MYH11: variants seen among roughly 807,000 people sequenced by gnomAD.
MYH11 encodes myosin heavy chain 11.
MYH11 carries 80 observed loss-of-function variants against 246.6 expected under a neutral mutation model. The observed-to-expected ratio is 0.32, with a 90% CI of 0.27 to 0.39. The LOEUF is 0.39. Ranked by LOEUF, MYH11 falls within the 10% of genes least tolerant of loss-of-function variation. The pLI is 1.00. For missense variants in MYH11, 2,158 were observed against 2,546.8 expected (o/e 0.85, Z 3.29); for synonymous variants, 1,071 against 1,015.5 (o/e 1.05, Z -1.04).
rs958759841 is a variant in MYH11 at position 15,707,568 on chromosome 16, T to G, written c.5787-3445A>C. Reference sequence around the variant, plus strand: ...ACTGGCTCTTAACAAGACCTCACCCTGCGCTTTAAGTATTTTGGTAGTGAC... The same window carrying G: ...ACTGGCTCTTAACAAGACCTCACCCGGCGCTTTAAGTATTTTGGTAGTGAC... On this transcript the variant is annotated intron_variant, in intron 40 of 40. Coordinates refer to ENST00000300036, the MANE Select transcript of MYH11 (RefSeq NM_002474.3). Among the ~76,000 whole-genome samples the G allele has an allele frequency of 1.1e-4, 16 of 152,322 alleles. No homozygotes were observed. The East Asian group carries it at 2.3e-3, about 22-fold the overall frequency.
chr16:15,818,594 C>G (rs1002305529), intron 3 of MYH11, among the ~76,000 whole-genome samples: 7 of 152,006 alleles, frequency 4.6e-5, no homozygotes, highest in African/African-American at 1.7e-4. Flanking sequence ...GCCACTGTGC[C>G]TGGCTAGTTT....
At chr16:15,731,411 T>C (rs1379882727) in intron 27 of MYH11, among the ~76,000 whole-genome samples, 1 of 152,146 alleles carries the variant, frequency 6.6e-6, no homozygotes, top group Non-Finnish European at 1.5e-5. Flanking sequence ...GCTTGTAAAA[T>C]GAGTTTAATA....
intron 2 of MYH11, among the ~76,000 whole-genome samples, chr16:15,832,679 G>A (rs1239233112): frequency 6.6e-6 from 1 of 152,188 alleles, no homozygotes; most frequent in African/African-American, 2.4e-5. Flanking sequence ...AGGTGCTCAA[G>A]GAATCATAAT....
At chr16:15,756,603 G>A in intron 13 of MYH11, 89 bp from the exon 14 acceptor site, 3 of 1,360,652 alleles carry the variant, frequency 2.2e-6, no homozygotes, top group Non-Finnish European at 3.1e-6. Flanking sequence ...CAACGCATGG[G>A]CATCCGCCGA....
intron 40 of MYH11, chr16:15,708,913 A>G: frequency 7.1e-7 from 1 of 1,406,324 alleles, no homozygotes; most frequent in South Asian, 1.2e-5. Flanking sequence ...TATATTCTTA[A>G]TTGTTAAAGA....
chr16:15,766,344 G>GGGGTGTGTGTGTGT (rs1555564406), intron 9 of MYH11, among the ~76,000 whole-genome samples: 1 of 136,688 alleles, frequency 7.3e-6, no homozygotes, highest in African/African-American at 2.8e-5. Context: ...CATGTTTTTT[G>GGGGTGTGTGTGTGT]GTGTGTGTGT....
chr16:15,725,675 AAAC>A (rs1404323167), intron 28 of MYH11: 3 of 398,894 alleles, frequency 7.5e-6, no homozygotes, highest in Non-Finnish European at 1.3e-5. Context: ...TGTGAGAAAA[AAAC>A]ATCTCACTTA....
intron 1 of MYH11, 46 bp from the exon 2 acceptor site, chr16:15,838,315 C>G (rs1341695817): frequency 6.6e-7 from 1 of 1,521,274 alleles, no homozygotes; most frequent in Non-Finnish European, 9.1e-7. Flanking sequence ...CAACCAAGCC[C>G]GGAAGACAGA....
At chr16:15,723,023 C>T (rs779163324) in intron 31 of MYH11, among the ~76,000 whole-genome samples, 2 of 152,182 alleles carry the variant, frequency 1.3e-5, no homozygotes, top group Non-Finnish European at 2.9e-5. Context: ...GGATTACAGG[C>T]GTGAGCCACC....
chr16:15,710,119 G>A (rs1475574585), intron 40 of MYH11, among the ~76,000 whole-genome samples: 10 of 152,192 alleles, frequency 6.6e-5, no homozygotes, highest in South Asian at 2.1e-4. Context: ...GTGTGTATTC[G>A]TGTCGGAACT....
intron 30 of MYH11, 83 bp downstream of exon 30, chr16:15,724,564 T>A (rs2040652574): frequency 6.2e-7 from 1 of 1,609,128 alleles, no homozygotes; most frequent in Non-Finnish European, 8.5e-7. Context: ...GCACCAACAC[T>A]CCACCGCGAT....
rs759308680 is a variant in MYH11, at chr16:15,720,134, C to T, written c.4953+17G>A. 2 of 1,614,144 alleles carry T rather than the reference C, an allele frequency of 1.2e-6. No homozygotes were observed. Among genetic ancestry groups the T allele is most frequent in the Non-Finnish European group, 1.7e-6 (2 of 1,180,030 alleles). On this transcript the variant is annotated intron_variant, in intron 34 of 40. Transcript: ENST00000300036. Reference sequence around the variant, plus strand: ...GCCCTCCCTCCACCCATGCCCCAAGCTCCTAGTGTCACCCACCTGCAGTTT... The same window carrying T: ...GCCCTCCCTCCACCCATGCCCCAAGTTCCTAGTGTCACCCACCTGCAGTTT...
intron 13 of MYH11, among the ~76,000 whole-genome samples, chr16:15,757,015 G>T (rs2041741956): frequency 1.3e-5 from 2 of 150,530 alleles, no homozygotes. Flanking sequence ...AGCCAGGATG[G>T]TCTCCATCTC....
Position 15,703,776 on chromosome 16 carries a change from T to A in MYH11, c.*215A>T, listed in dbSNP as rs897005342. The A allele has an allele frequency of 9.4e-6, 6 of 635,326 alleles. No individual in the cohort carries two copies. The highest frequency in any genetic ancestry group is 7.4e-5 in the African/African-American group (4 of 54,186). 39.4% of individuals were successfully genotyped at this position (635,326 alleles called of 1,614,324 possible). ...GCTTATTTTTAAATTCTTGTATAGA[T>A]GAGGTTTTACTACGTTGCCCAGGCT... On this transcript the variant is annotated 3_prime_UTR_variant, in exon 41 of 41. Coordinates refer to ENST00000300036, the MANE Select transcript of MYH11 (RefSeq NM_002474.3).
At chr16:15,762,795 CCT>C (rs1466335869) in intron 10 of MYH11, among the ~76,000 whole-genome samples, 1 of 152,170 alleles carries the variant, frequency 6.6e-6, no homozygotes, top group African/African-American at 2.4e-5. Context: ...TCGCAATTCC[CCT>C]GTCTTGATTA....
chr16:15,821,730 A>G (rs1353164931), intron 3 of MYH11, among the ~76,000 whole-genome samples: 1 of 147,032 alleles, frequency 6.8e-6, no homozygotes, highest in Non-Finnish European at 1.5e-5. Flanking sequence ...CATCCTGGCT[A>G]ACAAGGTGAA....
chr16:15,850,366 CAA>C (rs983303904), intron 1 of MYH11, among the ~76,000 whole-genome samples: 41 of 152,024 alleles, frequency 2.7e-4, no homozygotes, highest in African/African-American at 9.4e-4. Flanking sequence ...GCCTGGGCGA[CAA>C]GAGCAAAACT....
rs557665211 is a variant in MYH11 at position 15,833,756 on chromosome 16, C to T, written c.345+4152G>A. Among the ~76,000 whole-genome samples the T allele has an allele frequency of 5.5e-4, 83 of 152,282 alleles. 1 individual carries two copies. In the South Asian group the frequency reaches 0.017, roughly 30 times the overall value. ...GGGCAAAGTCATGCATGCCAGACCA[C>T]GGACCTGGTATCACCTCACTACCCG... On this transcript the variant is annotated intron_variant, in intron 2 of 40. Coordinates refer to ENST00000300036, the MANE Select transcript of MYH11 (RefSeq NM_002474.3).
At chr16:15,745,956 G>A (rs1185673896) in intron 19 of MYH11, among the ~76,000 whole-genome samples, 1 of 152,004 alleles carries the variant, frequency 6.6e-6, no homozygotes, top group Non-Finnish European at 1.5e-5. Context: ...TGGCTCTGCG[G>A]CCCAGGCTGG....
Sources: gnomAD v4.1 joint callset for allele counts (sites outside exome capture counted in the v4.1 genomes callset) on GRCh38, gnomAD v4.1.1 for gene constraint, MANE v1.5 for transcripts, NCBI Gene and HGNC (gene_info 2026-07-23, HGNC 2026-07-21) for gene names.